Variants in RAD54L2 observed in about 807,000 individuals in gnomAD.
RAD54L2 encodes the protein helicase ARIP4.
A neutral mutation model predicts 138.4 loss-of-function variants in RAD54L2; 27 were observed. The observed-to-expected ratio is 0.20, with a 90% CI of 0.14 to 0.27. The LOEUF (loss-of-function observed/expected upper bound fraction) is 0.27, where lower values mean the gene tolerates loss of function less well. Among genes scored for constraint, RAD54L2 ranks in the 10% least tolerant of loss-of-function variants. The probability of loss-of-function intolerance (pLI) is 1.00; values close to 1 mark genes in which losing one functional copy is unlikely to be tolerated. For missense variants in RAD54L2, 1,396 were observed against 1,890.2 expected (o/e 0.74, Z 4.85); for synonymous variants, 644 against 723.2 (o/e 0.89, Z 1.76).
chr3:51,621,393 C>T (rs566212249), intron 3 of RAD54L2, among the ~76,000 whole-genome samples: 1 of 152,320 alleles, frequency 6.6e-6, no homozygotes, highest in South Asian at 2.1e-4. Context: ...AAAATTGTTA[C>T]TGCACTTGGC....
intron 2 of RAD54L2, among the ~76,000 whole-genome samples, chr3:51,552,504 C>G (rs763202583): frequency 6.6e-6 from 1 of 151,580 alleles, no homozygotes; most frequent in African/African-American, 2.4e-5. Context: ...CCTCATGATC[C>G]ACCTGCCTCG....
At chr3:51,608,062 T>C (rs1424560020) in intron 3 of RAD54L2, among the ~76,000 whole-genome samples, 5 of 136,764 alleles carry the variant, frequency 3.7e-5, no homozygotes, top group South Asian at 2.5e-4. Flanking sequence ...GGCTCCTCAC[T>C]TCCCAGACGG....
At chr3:51,652,626 C>T (rs765583139) in intron 19 of RAD54L2, among the ~76,000 whole-genome samples, 11 of 152,244 alleles carry the variant, frequency 7.2e-5, no homozygotes, top group Admixed American at 2.0e-4. Flanking sequence ...TAACACCACA[C>T]GTCTACAACC....
chr3:51,574,375 C>T (rs531986989), intron 2 of RAD54L2, among the ~76,000 whole-genome samples: 126 of 152,204 alleles, frequency 8.3e-4, no homozygotes, highest in African/African-American at 2.5e-3. Flanking sequence ...ATGGGATGGC[C>T]GGGTCAAATG....
At chr3:51,544,700 C>G (rs552832121) in intron 2 of RAD54L2, among the ~76,000 whole-genome samples, 2 of 152,040 alleles carry the variant, frequency 1.3e-5, no homozygotes, top group East Asian at 3.9e-4. Context: ...TCAACCTCCT[C>G]GGTTCAAGCT....
At chr3:51,607,895 C>T (rs1196627716) in intron 3 of RAD54L2, among the ~76,000 whole-genome samples, 1 of 146,416 alleles carries the variant, frequency 6.8e-6, no homozygotes, top group African/African-American at 2.5e-5. Context: ...GGCTGCCCCC[C>T]ACCTCCCGGA....
At position 51,627,733 on chromosome 3, in the gene RAD54L2, C is replaced by T. The variant is rs143125010; in HGVS notation, c.320C>T (p.Ser107Phe). 4,836 of 1,613,922 alleles carry T rather than the reference C, an allele frequency of 3.0e-3. 233 individuals carry two copies. In the Admixed American group the frequency reaches 0.07, roughly 23 times the overall value. The change falls in exon 4 of 23, where the codon TCC (serine) becomes TTC (phenylalanine). Residue 107 changes from serine to phenylalanine, a missense_variant. Ser to Phe is a radical substitution (Grantham distance 155). This residue lies in a region of RAD54L2 where 256 missense variants were observed against 344.6 expected (regional missense o/e 0.74). Transcript: ENST00000684192. ...DPKKKRAQKPSHMRRNIRKLL... is the reference protein window; with the variant it reads ...DPKKKRAQKPFHMRRNIRKLL... ...AAAAAGAAGAGAGCTCAGAAGCCCT[C>T]CCACATGAGAAGAAACATACGGTGA...
At chr3:51,656,892 T>G (rs969882505) in intron 20 of RAD54L2, among the ~76,000 whole-genome samples, 2 of 152,076 alleles carry the variant, frequency 1.3e-5, no homozygotes, top group Non-Finnish European at 2.9e-5. Context: ...TGTGCCACTA[T>G]GCCCGGTGAA....
chr3:51,638,460 T>C lies in RAD54L2; in HGVS notation c.1860+139T>C, dbSNP rs1701045215. On this transcript the variant is annotated intron_variant, in intron 12 of 22. Transcript: ENST00000684192. The surrounding 1 kb of genome is among the most constrained non-coding windows in gnomAD (Gnocchi z 4.3). ...ACCTCAGTTCACTGCACTGGAGGTTTGGGGGCTCCAAGGAGAGAGGTGATG... is the reference window on the plus strand; with the variant it reads ...ACCTCAGTTCACTGCACTGGAGGTTCGGGGGCTCCAAGGAGAGAGGTGATG... 1 of 1,004,498 alleles carries C rather than the reference T, an allele frequency of 1.0e-6. No individual in the cohort carries two copies. The highest frequency in any genetic ancestry group is 1.4e-6 in the Non-Finnish European group (1 of 691,284). 62.2% of individuals were successfully genotyped at this position (1,004,498 alleles called of 1,614,324 possible).
rs1475009199 is a variant in RAD54L2 at position 51,665,595 on chromosome 3, T to C, written c.*2175T>C. On this transcript the variant is annotated 3_prime_UTR_variant, in exon 23 of 23. Coordinates refer to ENST00000684192, the MANE Select transcript of RAD54L2 (RefSeq NM_015106.4). Reference sequence around the variant, plus strand: ...GCAAATTATTTTAATAATTTAAAAATAGCAGTTCCAACCAGTGCTTTCTCT... The same window carrying C: ...GCAAATTATTTTAATAATTTAAAAACAGCAGTTCCAACCAGTGCTTTCTCT... 3 of 152,244 alleles carry C rather than the reference T, an allele frequency of 2.0e-5. No individual in the cohort carries two copies. The highest frequency in any genetic ancestry group is 4.1e-4 in the South Asian group (2 of 4,832). 9.4% of individuals were successfully genotyped at this position (152,244 alleles called of 1,614,324 possible).
Position 51,645,334 on chromosome 3 carries a change from G to A in RAD54L2, c.2656+105G>A, listed in dbSNP as rs1053867304. On this transcript the variant is annotated intron_variant, in intron 17 of 22. Coordinates refer to ENST00000684192, the MANE Select transcript of RAD54L2 (RefSeq NM_015106.4). The surrounding 1 kb of genome is among the most constrained non-coding windows in gnomAD (Gnocchi z 6.1). ...GGATATGGGAACACAGGCAGGCTTC[G>A]AGAAAGCCAGCATTTCCTCCTATCT... 13 of 1,215,680 alleles carry A rather than the reference G, an allele frequency of 1.1e-5. No homozygotes were observed. The Middle Eastern group carries it at 6.0e-4, about 56-fold the overall frequency. The allele number at this position is 1,215,680 out of a possible 1,614,324, so 75.3% of individuals were successfully genotyped here. A position where few individuals can be genotyped will look rare whatever the true frequency, so the allele number is the denominator to read the frequency against.
intron 2 of RAD54L2, among the ~76,000 whole-genome samples, chr3:51,583,931 G>C (rs570423232): frequency 1.1e-3 from 165 of 148,824 alleles, no homozygotes; most frequent in African/African-American, 4.0e-3. Context: ...CCATAATTTT[G>C]ACATTGTGGT....
intron 3 of RAD54L2, among the ~76,000 whole-genome samples, chr3:51,590,930 A>G (rs1451646029): frequency 6.6e-6 from 1 of 152,184 alleles, no homozygotes; most frequent in Non-Finnish European, 1.5e-5. Flanking sequence ...ATGTGAGGGT[A>G]ACTGTGAGTG....
Position 51,657,662 on chromosome 3 carries a change from G to A in RAD54L2, c.3309G>A (p.Gly1103=). Residue 1103 remains glycine, a synonymous_variant, in exon 21 of 23, where the codon GGG becomes GGA. Transcript: ENST00000684192. ...GTGAGAGCATCCACATCATCCGTGG[G>A]ACAAAAGGTAAGAGCCTGACCAAGG... ...NAGESIHIIR[G]TKGTYIRTSD... 6.4e-7 allele frequency: 1 copy of A among 1,566,952 alleles called. No homozygotes were observed.
chr3:51,563,649 C>G (rs765994495), intron 2 of RAD54L2, among the ~76,000 whole-genome samples: 9 of 152,130 alleles, frequency 5.9e-5, no homozygotes, highest in Non-Finnish European at 1.0e-4. Context: ...AGTAATAATA[C>G]CGTAGCATTT....
intron 2 of RAD54L2, among the ~76,000 whole-genome samples, chr3:51,565,759 C>T (rs1391974645): frequency 6.6e-6 from 1 of 151,808 alleles, no homozygotes; most frequent in Admixed American, 6.6e-5. Flanking sequence ...AGGCGTGAGC[C>T]ACTGTGTTCA....
chr3:51,539,636 A>G (rs1698502281), intron 1 of RAD54L2, among the ~76,000 whole-genome samples: 1 of 151,826 alleles, frequency 6.6e-6, no homozygotes, highest in African/African-American at 2.4e-5. Flanking sequence ...TGGGGAGTGT[A>G]GAGGAGGGTT....
At chr3:51,612,525 G>A (rs1439930426) in intron 3 of RAD54L2, among the ~76,000 whole-genome samples, 1 of 152,130 alleles carries the variant, frequency 6.6e-6, no homozygotes, top group Non-Finnish European at 1.5e-5. Flanking sequence ...AAGCAGTGAT[G>A]CAGTGATGTT....
intron 19 of RAD54L2, among the ~76,000 whole-genome samples, chr3:51,646,943 T>C (rs2106828252): frequency 6.6e-6 from 1 of 152,312 alleles, no homozygotes; most frequent in Non-Finnish European, 1.5e-5. Context: ...AATCTCTTTT[T>C]TGAGTATAAC....
Sources: allele counts gnomAD v4.1 joint callset (sites outside exome capture counted in the v4.1 genomes callset), GRCh38; gene constraint gnomAD v4.1.1; regional missense constraint gnomAD v4.1.1; non-coding constraint Gnocchi (gnomAD v3.1); transcripts MANE v1.5; gene names NCBI Gene and HGNC (gene_info 2026-07-23, HGNC 2026-07-21).